The following ACOXL variants were observed in gnomAD, a reference collection of about 807,000 sequenced individuals.
ACOXL encodes the protein acyl-CoA oxidase like.
Under a neutral mutation model 71.9 loss-of-function variants are expected in ACOXL, and 70 were observed. The ratio of observed to expected loss-of-function variants is 0.97; its 90% CI spans 0.80 to 1.19. The LOEUF is 1.19. Ranked by LOEUF, ACOXL falls within the 50% of genes most tolerant of loss-of-function variation. The pLI is 0.00. For synonymous variants in ACOXL, 253 were observed against 281.6 expected (o/e 0.90, Z 1.02); for missense variants, 703 against 736.3 (o/e 0.95, Z 0.52).
chr2:110,809,771 G>A (rs1420614623), intron 9 of ACOXL, among the ~76,000 whole-genome samples: 1 of 152,158 alleles, frequency 6.6e-6, no homozygotes, highest in Non-Finnish European at 1.5e-5. Flanking sequence ...GAGGTTGAGG[G>A]CATCTGAGTC....
chr2:110,855,560 A>C (rs1470982083), intron 10 of ACOXL, among the ~76,000 whole-genome samples: 2 of 152,248 alleles, frequency 1.3e-5, no homozygotes, highest in Non-Finnish European at 2.9e-5. Context: ...CAAAGAAATA[A>C]AAATATATGA....
At chr2:110,768,492 TTGTGTG>T (rs57292148) in intron 2 of ACOXL, 28 bp downstream of exon 2, 9 of 1,279,714 alleles carry the variant, frequency 7.0e-6, no homozygotes, top group Admixed American at 2.0e-5. Context: ...TCTGGTATGG[TTGTGTG>T]TGTGTGTGTG....
At chr2:110,841,316 A>C (rs1361727959) in intron 9 of ACOXL, 55 bp from the exon 10 acceptor site, 14 of 1,376,920 alleles carry the variant, frequency 1.0e-5, no homozygotes, top group Non-Finnish European at 1.4e-5. Flanking sequence ...TTCTTGTGTG[A>C]ATTCTGCATA....
chr2:110,895,263 A>G (rs2149169117), intron 10 of ACOXL, among the ~76,000 whole-genome samples: 1 of 152,330 alleles, frequency 6.6e-6, no homozygotes, highest in Admixed American at 6.5e-5. Context: ...ATGGAAAAAT[A>G]TATTAACCTA....
intron 11 of ACOXL, among the ~76,000 whole-genome samples, chr2:110,931,289 GTTCTT>G (rs565968283): frequency 2.1e-3 from 320 of 152,296 alleles, no homozygotes; most frequent in Middle Eastern, 0.01. Context: ...GCCTCTCACA[GTTCTT>G]TTCTTAAAGA....
intron 1 of ACOXL, among the ~76,000 whole-genome samples, chr2:110,736,654 C>T (rs1220332111): frequency 1.4e-5 from 2 of 139,330 alleles, no homozygotes; most frequent in Middle Eastern, 3.9e-3. Flanking sequence ...GAGTCTCGCT[C>T]TGTGGCCCAG....
chr2:110,784,370 CG>C (rs1683693496), intron 2 of ACOXL, among the ~76,000 whole-genome samples: 2 of 152,108 alleles, frequency 1.3e-5, no homozygotes, highest in Non-Finnish European at 2.9e-5. Context: ...TGGGCAGAAC[CG>C]TGGGGGTGCC....
chr2:110,800,402 A>G (rs894903210), intron 7 of ACOXL, among the ~76,000 whole-genome samples: 1 of 152,222 alleles, frequency 6.6e-6, no homozygotes, highest in African/African-American at 2.4e-5. Context: ...GAAGCCATTT[A>G]GATTAGAGCC....
intron 15 of ACOXL, among the ~76,000 whole-genome samples, chr2:111,048,177 G>C (rs2066108162): frequency 6.6e-6 from 1 of 152,226 alleles, no homozygotes; most frequent in African/African-American, 2.4e-5. Flanking sequence ...GGGATCTGCG[G>C]GAGTTGGGAT....
intron 10 of ACOXL, among the ~76,000 whole-genome samples, chr2:110,848,025 G>C (rs1000700056): frequency 6.6e-6 from 1 of 152,184 alleles, no homozygotes; most frequent in African/African-American, 2.4e-5. Context: ...GAATGAAAAA[G>C]CAGCATCAAT....
chr2:110,992,400 G>A (rs1356956378), intron 13 of ACOXL, among the ~76,000 whole-genome samples: 1 of 152,232 alleles, frequency 6.6e-6, no homozygotes, highest in Non-Finnish European at 1.5e-5. Flanking sequence ...GTGATCAGCA[G>A]TTACTAGGGG....
rs537939371 is a variant in ACOXL, at chr2:111,080,685, C to G, written c.1441-12180C>G. 2.2e-4 allele frequency among the ~76,000 whole-genome samples: 33 copies of G among 152,262 alleles called. 1 individual carries two copies. Among genetic ancestry groups the G allele is most frequent in the Admixed American group, 1.4e-3 (22 of 15,288 alleles). On this transcript the variant is annotated intron_variant, in intron 16 of 17. Transcript: ENST00000439055. ...ACTCATTTTATGAGGCCAGCATCAT[C>G]CTGATACCAAAACCTGGCAGAGACA...
At chr2:110,756,514 C>T (rs1679725783) in intron 1 of ACOXL, among the ~76,000 whole-genome samples, 1 of 152,154 alleles carries the variant, frequency 6.6e-6, no homozygotes, top group African/African-American at 2.4e-5. Flanking sequence ...TGGCCCTCAT[C>T]TACTGATTTC....
In ACOXL at chr2:110,768,407, T is replaced by C; in HGVS notation, c.18T>C (p.Val6=). The C allele has an allele frequency of 6.2e-7, 1 of 1,613,996 alleles. No individual in the cohort carries two copies. The highest frequency in any genetic ancestry group is 1.7e-5 in the Admixed American group (1 of 59,988). The change falls in exon 2 of 18, where the codon GTT becomes GTC. Residue 6 remains valine (V), a synonymous_variant. Coordinates refer to ENST00000439055, the MANE Select transcript of ACOXL (RefSeq NM_001142807.4). ...TGGATGAAATGAGAGCTTTGACAGT[T>C]CAGAGAGTGAAGTTTGCCATGGACC... MRALT[V]QRVKFAMDLP...
intron 16 of ACOXL, among the ~76,000 whole-genome samples, chr2:111,074,905 T>C (rs957537051): frequency 4.6e-5 from 7 of 152,232 alleles, no homozygotes; most frequent in Non-Finnish European, 8.8e-5. Flanking sequence ...GTTTTGAGTA[T>C]GCAACTGGCC....
rs763631392 is a variant in ACOXL, at chr2:110,834,472, A to G, written c.754-6899A>G. Among the ~76,000 whole-genome samples, 9 of 152,248 alleles carry G rather than the reference A, an allele frequency of 5.9e-5. No individual in the cohort carries two copies. In the South Asian group the frequency reaches 8.3e-4, roughly 14 times the overall value. On this transcript the variant is annotated intron_variant, in intron 9 of 17. Transcript: ENST00000439055. ...AAAAATGTATTCATTGACAAGCTGT[A>G]AACAGCAGAGAGGAACTACCTGGAG...
At chr2:110,900,941 T>G (rs192798882) in intron 10 of ACOXL, among the ~76,000 whole-genome samples, 129 of 152,296 alleles carry the variant, frequency 8.5e-4, no homozygotes, top group Non-Finnish European at 1.3e-3. Context: ...CTGGGTGGTG[T>G]TGTCTCCTAT....
At chr2:111,064,478 A>G (rs868845921) in intron 16 of ACOXL, among the ~76,000 whole-genome samples, 5 of 151,734 alleles carry the variant, frequency 3.3e-5, no homozygotes, top group African/African-American at 7.3e-5. Context: ...TAGTATTTGC[A>G]TATAACTTAT....
chr2:111,032,149 C>T (rs1017221330), intron 15 of ACOXL, among the ~76,000 whole-genome samples: 1 of 152,170 alleles, frequency 6.6e-6, no homozygotes, highest in African/African-American at 2.4e-5. Flanking sequence ...ATTACTTAGA[C>T]CTCATCATCA....
Sources: allele counts gnomAD v4.1 joint callset (sites outside exome capture counted in the v4.1 genomes callset), GRCh38; gene constraint gnomAD v4.1.1; transcripts MANE v1.5; gene names NCBI Gene and HGNC (gene_info 2026-07-23, HGNC 2026-07-21).